Variants in MAGI1 observed in about 807,000 individuals in gnomAD.
MAGI1 encodes the protein membrane-associated guanylate kinase, WW and PDZ domain-containing protein 1.
Under a neutral mutation model 139.9 loss-of-function variants are expected in MAGI1, and 58 were observed. That is an observed-to-expected ratio of 0.41 (90% CI 0.34 to 0.52). The LOEUF is 0.52. MAGI1 is among the 20% of genes least tolerant of loss of function. The probability of loss-of-function intolerance (pLI) is 0.12; values close to 1 mark genes in which losing one functional copy is unlikely to be tolerated. For missense variants in MAGI1, 1,874 were observed against 1,901.6 expected (o/e 0.99, Z 0.27); for synonymous variants, 812 against 737.9 (o/e 1.10, Z -1.63).
chr3:65,872,900 C>T (rs908461461), intron 1 of MAGI1: 1 of 152,126 alleles, frequency 6.6e-6, no homozygotes, highest in Non-Finnish European at 1.5e-5. Context: ...GTGCTGACCT[C>T]TTTAAGAGGA....
chr3:65,359,073 A>G, intron 22 of MAGI1: 1 of 1,614,002 alleles, frequency 6.2e-7, no homozygotes, highest in Non-Finnish European at 8.5e-7. Context: ...CCGTAGTTTG[A>G]TTATGGCCCA....
intron 1 of MAGI1, among the ~76,000 whole-genome samples, chr3:65,757,877 A>G (rs2036687124): frequency 1.3e-5 from 2 of 152,068 alleles, no homozygotes; most frequent in South Asian, 2.1e-4. Context: ...ACAAACTTCA[A>G]TTTTAACTAA....
intron 1 of MAGI1, among the ~76,000 whole-genome samples, chr3:65,741,463 C>T (rs1294725771): frequency 6.6e-6 from 1 of 152,192 alleles, no homozygotes; most frequent in Admixed American, 6.5e-5. Context: ...CCTGAGCCGC[C>T]ACGCCTGGCC....
intron 1 of MAGI1, among the ~76,000 whole-genome samples, chr3:65,963,153 G>A (rs1212741594): frequency 1.9e-4 from 21 of 107,934 alleles, no homozygotes; most frequent in African/African-American, 7.8e-4. Context: ...CAACACAGTG[G>A]GGAAAAAAAA....
chr3:65,696,545 T>C (rs1220563141), intron 1 of MAGI1, among the ~76,000 whole-genome samples: 1 of 152,206 alleles, frequency 6.6e-6, no homozygotes, highest in Non-Finnish European at 1.5e-5. Context: ...ATTAAAATAA[T>C]TAAAATGATT....
chr3:65,711,890 G>A (rs1037583050), intron 1 of MAGI1, among the ~76,000 whole-genome samples: 4 of 152,078 alleles, frequency 2.6e-5, no homozygotes, highest in East Asian at 1.9e-4. Flanking sequence ...TGGCAGCCTC[G>A]GCAAATTAAT....
chr3:65,996,510 T>C (rs2066455325), intron 1 of MAGI1, among the ~76,000 whole-genome samples: 4 of 142,500 alleles, frequency 2.8e-5, no homozygotes, highest in African/African-American at 5.3e-5. Context: ...CATTGGAATA[T>C]ATTTAGTGAT....
intron 7 of MAGI1, 148 bp from the exon 8 acceptor site, chr3:65,442,997 A>G (rs75403951): frequency 7.9e-6 from 4 of 508,752 alleles, no homozygotes; most frequent in African/African-American, 7.6e-5. Context: ...AAAAAAAAAA[A>G]GTATCTATTA....
At chr3:65,373,650 C>G (rs1325562239) in intron 18 of MAGI1, among the ~76,000 whole-genome samples, 1 of 152,198 alleles carries the variant, frequency 6.6e-6, no homozygotes, top group Admixed American at 6.5e-5. Context: ...CTCTCAATCA[C>G]TTCTCACTAT....
intron 1 of MAGI1, among the ~76,000 whole-genome samples, chr3:65,999,666 CTTTA>C (rs1247187121): frequency 6.6e-6 from 1 of 152,016 alleles, no homozygotes; most frequent in African/African-American, 2.4e-5. Flanking sequence ...TTATTCCTTT[CTTTA>C]TTATCTGATT....
intron 2 of MAGI1, among the ~76,000 whole-genome samples, chr3:65,523,021 C>T (rs1014614299): frequency 6.6e-6 from 1 of 152,090 alleles, no homozygotes; most frequent in Non-Finnish European, 1.5e-5. Context: ...ATTCCTTTCC[C>T]ACACTTTAGA....
chr3:65,842,464 G>A (rs776809566), intron 1 of MAGI1, among the ~76,000 whole-genome samples: 18 of 151,676 alleles, frequency 1.2e-4, no homozygotes, highest in Non-Finnish European at 2.1e-4. Flanking sequence ...AGGTTCAAGC[G>A]ACTCTGCTGC....
intron 1 of MAGI1, among the ~76,000 whole-genome samples, chr3:65,863,757 A>C (rs2059629761): frequency 6.6e-6 from 1 of 152,180 alleles, no homozygotes; most frequent in South Asian, 2.1e-4. Flanking sequence ...GCAACCCAAA[A>C]TGACTTGATA....
chr3:65,974,706 C>T (rs1245147500), intron 1 of MAGI1, among the ~76,000 whole-genome samples: 1 of 152,148 alleles, frequency 6.6e-6, no homozygotes, highest in East Asian at 1.9e-4. Context: ...CAGGGGGCTT[C>T]AGTTCCTCAC....
At chr3:65,960,475 G>C (rs933761247) in intron 1 of MAGI1, among the ~76,000 whole-genome samples, 1 of 152,074 alleles carries the variant, frequency 6.6e-6, no homozygotes, top group African/African-American at 2.4e-5. Flanking sequence ...CTGACTATAG[G>C]GCGGTTTCTA....
intron 16 of MAGI1, among the ~76,000 whole-genome samples, chr3:65,381,574 G>A (rs1176605882): frequency 3.3e-5 from 5 of 152,150 alleles, no homozygotes; most frequent in Non-Finnish European, 5.9e-5. Flanking sequence ...CTGAGGATTA[G>A]CATCAAATGA....
chr3:65,414,855 T>TA (rs57931361), intron 12 of MAGI1, among the ~76,000 whole-genome samples: 189 of 131,152 alleles, frequency 1.4e-3, no homozygotes, highest in South Asian at 9.0e-3. Context: ...CCGTCTCTAC[T>TA]AAAAAAAAAA....
At chr3:65,925,457 G>A (rs1281646655) in intron 1 of MAGI1, among the ~76,000 whole-genome samples, 1 of 152,118 alleles carries the variant, frequency 6.6e-6, no homozygotes, top group African/African-American at 2.4e-5. Flanking sequence ...ACAACCCAAG[G>A]CCAGTGACCA....
chr3:66,021,440 CT>C (rs1180233054), intron 1 of MAGI1, among the ~76,000 whole-genome samples: 2 of 152,182 alleles, frequency 1.3e-5, no homozygotes, highest in African/African-American at 2.4e-5. Context: ...CATTTGCCCC[CT>C]AGAAGAACTT....
Sources: gnomAD v4.1 joint callset for allele counts (sites outside exome capture counted in the v4.1 genomes callset) on GRCh38, gnomAD v4.1.1 for gene constraint, MANE v1.5 for transcripts, NCBI Gene and HGNC (gene_info 2026-07-23, HGNC 2026-07-21) for gene names.